SLC71A2: variants seen among roughly 807,000 people sequenced by gnomAD.
The protein encoded by SLC71A2 is hippocampus abundant transcript-like 1.
chr9:94,459,456 C>T, the SLC71A2 span: 2 of 1,605,200 alleles, frequency 1.2e-6, no homozygotes, highest in Non-Finnish European at 1.7e-6. Flanking sequence ...CTCTGAGAGC[C>T]ATGGAGGGAG....
At chr9:94,378,309 G>T in the SLC71A2 span, among the ~76,000 whole-genome samples, 2 of 151,990 alleles carry the variant, frequency 1.3e-5, no homozygotes, top group African/African-American at 4.8e-5. Context: ...AAGGCGAAGG[G>T]GAAGCAGCTT....
At chr9:94,409,134 T>G in the SLC71A2 span, among the ~76,000 whole-genome samples, 7 of 123,986 alleles carry the variant, frequency 5.6e-5, no homozygotes, top group Admixed American at 8.1e-5. Context: ...GCCTCCTTTT[T>G]TTTTTTTTTT....
chr9:94,405,248 C>G, the SLC71A2 span, among the ~76,000 whole-genome samples: 2 of 152,058 alleles, frequency 1.3e-5, no homozygotes, highest in Non-Finnish European at 1.5e-5. Context: ...GTAATCCCAG[C>G]ACTTTGGAAG....
the SLC71A2 span, among the ~76,000 whole-genome samples, chr9:94,390,794 G>A: frequency 6.6e-6 from 1 of 152,132 alleles, no homozygotes. Context: ...GAAAGCGTCG[G>A]GTAGTACTGA....
the SLC71A2 span, among the ~76,000 whole-genome samples, chr9:94,450,493 C>CTTTTTTTTTTTTTTTTTTTTTTTTTTT: frequency 1.9e-4 from 19 of 102,020 alleles, 3 homozygotes; most frequent in African/African-American, 4.3e-4. Context: ...AATAATGTAA[C>CTTTTTTTTTTTTTTTTTTTTTTTTTTT]TTTTTTTTTT....
chr9:94,441,114 T>C, the SLC71A2 span: 2 of 1,381,240 alleles, frequency 1.4e-6, no homozygotes, highest in African/African-American at 2.9e-5. Flanking sequence ...GATAATAGAC[T>C]ATATATATTT....
chr9:94,434,839 C>T, the SLC71A2 span, among the ~76,000 whole-genome samples: 2 of 152,142 alleles, frequency 1.3e-5, no homozygotes, highest in African/African-American at 4.8e-5. Context: ...AAATAATTTG[C>T]CCATTGTTTC....
At chr9:94,407,042 T>C in the SLC71A2 span, among the ~76,000 whole-genome samples, 1 of 151,996 alleles carries the variant, frequency 6.6e-6, no homozygotes, top group African/African-American at 2.4e-5. Flanking sequence ...GAATATGATG[T>C]GAAGTATGGG....
At chr9:94,402,966 A>C in the SLC71A2 span, among the ~76,000 whole-genome samples, 2 of 151,794 alleles carry the variant, frequency 1.3e-5, no homozygotes. Flanking sequence ...CATTACCACT[A>C]TCTGTCTCTA....
chr9:94,375,404 T>C, the SLC71A2 span, among the ~76,000 whole-genome samples: 32 of 151,578 alleles, frequency 2.1e-4, no homozygotes, highest in African/African-American at 7.8e-4. Context: ...GGGGCGTTGC[T>C]GGGGACCAGC....
At chr9:94,461,028 G>A in the SLC71A2 span, 1 of 151,918 alleles carries the variant, frequency 6.6e-6, no homozygotes, top group Admixed American at 6.6e-5. Context: ...CAAAAGGTAT[G>A]TATTTTCAAA....
the SLC71A2 span, among the ~76,000 whole-genome samples, chr9:94,394,029 A>C: frequency 2.0e-5 from 3 of 146,652 alleles, no homozygotes; most frequent in East Asian, 6.0e-4. Context: ...ATATACACCT[A>C]CTATGTACCC....
At chr9:94,427,780 G>C in the SLC71A2 span, among the ~76,000 whole-genome samples, 4 of 147,708 alleles carry the variant, frequency 2.7e-5, no homozygotes, top group Admixed American at 7.0e-5. Context: ...TCTCTGATCT[G>C]ATAGAGTATA....
the SLC71A2 span, among the ~76,000 whole-genome samples, chr9:94,385,178 A>G: frequency 6.6e-6 from 1 of 152,210 alleles, no homozygotes; most frequent in Non-Finnish European, 1.5e-5. Context: ...CTCCCATTCC[A>G]TAGGTTACCT....
chr9:94,406,179 C>A, the SLC71A2 span, among the ~76,000 whole-genome samples: 1 of 146,668 alleles, frequency 6.8e-6, no homozygotes, highest in Non-Finnish European at 1.5e-5. Context: ...GTGATCCTCC[C>A]ACCTCAGCCT....
chr9:94,397,881 G>A, the SLC71A2 span, among the ~76,000 whole-genome samples: 1 of 152,142 alleles, frequency 6.6e-6, no homozygotes, highest in Non-Finnish European at 1.5e-5. Flanking sequence ...TTGATCACCT[G>A]GCTGAGATAC....
At chr9:94,413,944 C>T in the SLC71A2 span, among the ~76,000 whole-genome samples, 1 of 152,056 alleles carries the variant, frequency 6.6e-6, no homozygotes, top group Non-Finnish European at 1.5e-5. Context: ...CTCTCATATG[C>T]CTGTGGCAGG....
chr9:94,432,431 C>T, the SLC71A2 span, among the ~76,000 whole-genome samples: 2 of 151,748 alleles, frequency 1.3e-5, no homozygotes, highest in East Asian at 1.9e-4. Context: ...ACCTGGGAGA[C>T]GGAGGTTGCA....
chr9:94,403,291 C>G, the SLC71A2 span, among the ~76,000 whole-genome samples: 22 of 152,228 alleles, frequency 1.4e-4, no homozygotes, highest in African/African-American at 5.3e-4. Context: ...CGCCCGCCAC[C>G]ACGCCTGGCT....
Sources: allele counts gnomAD v4.1 joint callset (sites outside exome capture counted in the v4.1 genomes callset), GRCh38; gene constraint gnomAD v4.1.1; transcripts MANE v1.5; gene names NCBI Gene and HGNC (gene_info 2026-07-23, HGNC 2026-07-21).